GRK4: variants seen among roughly 807,000 people sequenced by gnomAD.
The protein encoded by GRK4 is G protein-coupled receptor kinase 4, also known as G protein-coupled receptor kinase 2-like.
A neutral mutation model predicts 77.9 loss-of-function variants in GRK4; 73 were observed. That is an observed-to-expected ratio of 0.94 (90% confidence interval 0.78 to 1.14). The LOEUF is 1.14. GRK4 is among the 50% of genes most tolerant of loss of function. The pLI, the probability that GRK4 is intolerant of heterozygous loss-of-function variation, is 0.00. For synonymous variants in GRK4, 257 were observed against 254.4 expected, an observed-to-expected ratio of 1.01 and a Z score of -0.10; for missense variants, 729 against 700.2, an observed-to-expected ratio of 1.04 and a Z score of -0.46.
chr4:2,999,595 GGAA>G (rs1728945611), intron 4 of GRK4, among the ~76,000 whole-genome samples: 1 of 152,090 alleles, frequency 6.6e-6, no homozygotes, highest in African/African-American at 2.4e-5. Flanking sequence ...AGAATCACAC[GGAA>G]GCCCTACCTC....
At chr4:2,983,839 A>T (rs953335545) in intron 1 of GRK4, among the ~76,000 whole-genome samples, 3 of 152,178 alleles carry the variant, frequency 2.0e-5, no homozygotes, top group South Asian at 2.1e-4. Context: ...GGCCTCAGGA[A>T]ACTTACAATC....
Position 3,040,705 on chromosome 4 carries a change from A to G in GRK4, c.*80A>G. ...AGCGTCTCGTCCCACCTGGAATTGT[A>G]ATAAATACATCTAAATAAAACATGC... is the stretch of plus-strand genomic sequence containing the variant. On this transcript the variant is annotated 3_prime_UTR_variant, in exon 16 of 16. Coordinates refer to ENST00000398052, the MANE Select transcript of GRK4 (RefSeq NM_182982.3). 1 of 1,149,918 alleles carries G rather than the reference A, an allele frequency of 8.7e-7. No homozygotes were observed. The highest frequency in any genetic ancestry group is 1.3e-6 in the Non-Finnish European group (1 of 778,608). 71.2% of individuals were successfully genotyped at this position (1,149,918 alleles called of 1,614,324 possible). A position where few individuals can be genotyped will look rare whatever the true frequency, so the allele number is the denominator to read the frequency against.
Position 2,964,025 on chromosome 4 carries a change from G to A in GRK4, c.-46G>A. 6.3e-7 allele frequency: 1 copy of A among 1,579,014 alleles called. No homozygotes were observed. Reference sequence around the variant, plus strand: ...CGTCTCCTCCTGTTCCGCCTCCTCAGTCTCCTCGGTCTCGCAGAATCCGCC... The same window carrying A: ...CGTCTCCTCCTGTTCCGCCTCCTCAATCTCCTCGGTCTCGCAGAATCCGCC... On this transcript the variant is annotated 5_prime_UTR_variant, in exon 1 of 16. Transcript: ENST00000398052.
At chr4:3,028,366 C>A (rs1738200969) in intron 11 of GRK4, among the ~76,000 whole-genome samples, 1 of 152,246 alleles carries the variant, frequency 6.6e-6, no homozygotes, top group African/African-American at 2.4e-5. Context: ...TTCCAAAGAT[C>A]CGGGGGCAGT....
chr4:2,967,849 A>G (rs1347437572), intron 1 of GRK4, among the ~76,000 whole-genome samples: 3 of 151,754 alleles, frequency 2.0e-5, no homozygotes, highest in South Asian at 2.1e-4. Context: ...CAATGGCGCA[A>G]TCGTGATCTC....
chr4:3,026,763 G>A (rs1560487146), intron 10 of GRK4, among the ~76,000 whole-genome samples: 1 of 152,240 alleles, frequency 6.6e-6, no homozygotes, highest in African/African-American at 2.4e-5. Flanking sequence ...GGTGTATCAC[G>A]TGCATGCATC....
intron 1 of GRK4, among the ~76,000 whole-genome samples, chr4:2,968,474 T>G (rs923708056): frequency 6.6e-6 from 1 of 152,132 alleles, no homozygotes; most frequent in Non-Finnish European, 1.5e-5. Context: ...ATTGGGTAGC[T>G]CAAAGAATCA....
intron 1 of GRK4, among the ~76,000 whole-genome samples, chr4:2,974,830 A>C (rs1476905919): frequency 1.3e-5 from 2 of 152,180 alleles, no homozygotes; most frequent in African/African-American, 4.8e-5. Flanking sequence ...TTTTAACTGC[A>C]AAGGGGGCAG....
chr4:3,028,745 T>C (rs1049291914), intron 11 of GRK4, among the ~76,000 whole-genome samples: 2 of 152,030 alleles, frequency 1.3e-5, no homozygotes, highest in Non-Finnish European at 2.9e-5. Context: ...CACAGAGTCA[T>C]GCAACCATCA....
Position 2,998,395 on chromosome 4 carries a change from G to A in GRK4, c.340-5836G>A, listed in dbSNP as rs1017928000. 9.9e-5 allele frequency among the ~76,000 whole-genome samples: 15 copies of A among 152,042 alleles called. No homozygotes were observed. In the East Asian group the frequency reaches 2.9e-3, roughly 29 times the overall value. On this transcript the variant is annotated intron_variant, in intron 4 of 15. Transcript: ENST00000398052. ...AAGAAAAGGTATTTAGATTGTAAAGGAAGAAGTAAAACTCTATTTGCAAAT... is the reference window on the plus strand; with the variant it reads ...AAGAAAAGGTATTTAGATTGTAAAGAAAGAAGTAAAACTCTATTTGCAAAT...
intron 3 of GRK4, among the ~76,000 whole-genome samples, chr4:2,989,107 G>A (rs983809473): frequency 6.6e-6 from 1 of 152,048 alleles, no homozygotes; most frequent in African/African-American, 2.4e-5. Flanking sequence ...ACTTGAACCA[G>A]GAGGCGGAGG....
chr4:3,022,898 C>T (rs1736485300), intron 10 of GRK4, among the ~76,000 whole-genome samples: 1 of 151,990 alleles, frequency 6.6e-6, no homozygotes, highest in Non-Finnish European at 1.5e-5. Context: ...CTATGTTGCC[C>T]AGGCTGTTCT....
intron 7 of GRK4, among the ~76,000 whole-genome samples, chr4:3,013,385 CT>C (rs2109914452): frequency 6.6e-6 from 1 of 152,220 alleles, no homozygotes; most frequent in Non-Finnish European, 1.5e-5. Context: ...CTTTTTAAAA[CT>C]TTTGCACTTT....
At chr4:3,013,567 C>T (rs1034007733) in intron 7 of GRK4, 121 bp from the exon 8 acceptor site, 5 of 1,179,884 alleles carry the variant, frequency 4.2e-6, no homozygotes, top group Non-Finnish European at 4.8e-6. Context: ...ACGGTCTCGG[C>T]TCCTCATGCA....
At chr4:2,985,104 T>C (rs1469325859) in intron 2 of GRK4, among the ~76,000 whole-genome samples, 14 of 152,126 alleles carry the variant, frequency 9.2e-5, no homozygotes, top group African/African-American at 2.9e-4. Context: ...CAGTTTTCTA[T>C]GCACGTTTTA....
At chr4:2,988,679 A>C in intron 2 of GRK4, 48 bp from the exon 3 acceptor site, 1 of 953,846 alleles carries the variant, frequency 1.0e-6, no homozygotes, top group South Asian at 1.3e-5. Flanking sequence ...CATGTGGTGG[A>C]CTGTAATGAT....
At chr4:3,017,930 G>A (rs191534678) in intron 8 of GRK4, among the ~76,000 whole-genome samples, 1 of 152,148 alleles carries the variant, frequency 6.6e-6, no homozygotes, top group East Asian at 1.9e-4. Flanking sequence ...CTAGATACCT[G>A]CTGACCATTT....
chr4:2,996,718 CT>C (rs879462515), intron 4 of GRK4, among the ~76,000 whole-genome samples: 294 of 144,410 alleles, frequency 2.0e-3, no homozygotes, highest in South Asian at 9.5e-3. Flanking sequence ...AGCTGGAAAG[CT>C]TTTTTTTTTT....
chr4:2,964,241 C>T lies in GRK4; in HGVS notation c.52+119C>T, dbSNP rs556879484. 5.4e-5 allele frequency: 48 copies of T among 880,874 alleles called. No individual in the cohort carries two copies. The South Asian group carries it at 6.4e-4, about 12-fold the overall frequency. The allele number at this position is 880,874 out of a possible 1,614,324, so 54.6% of individuals were successfully genotyped here. On this transcript the variant is annotated intron_variant, in intron 1 of 15. Coordinates refer to ENST00000398052, the MANE Select transcript of GRK4 (RefSeq NM_182982.3). ...GAACCCCGATTTCCCTGGAGAGCCC[C>T]GACACCTCCCACTGGGGGAACCCAG...
Sources: allele counts gnomAD v4.1 joint callset (sites outside exome capture counted in the v4.1 genomes callset), GRCh38; gene constraint gnomAD v4.1.1; transcripts MANE v1.5; gene names NCBI Gene and HGNC (gene_info 2026-07-23, HGNC 2026-07-21).